STARD13: variants seen among roughly 807,000 people sequenced by gnomAD.
The protein encoded by STARD13 is stAR-related lipid transfer protein 13.
In STARD13, 62 loss-of-function variants were observed where a neutral mutation model predicts 106.4. The observed-to-expected ratio is 0.58, with a 90% CI of 0.48 to 0.72. The LOEUF is 0.72. Ranked by LOEUF, STARD13 falls within the 30% of genes least tolerant of loss-of-function variation. STARD13 has a pLI of 0.00. For missense variants in STARD13, 1,387 were observed against 1,424.0 expected, an observed-to-expected ratio of 0.97 and a Z score of 0.42; for synonymous variants, 565 against 553.0, an observed-to-expected ratio of 1.02 and a Z score of -0.31.
At chr13:33,488,447 C>A in the STARD13 span, among the ~76,000 whole-genome samples, 3 of 152,142 alleles carry the variant, frequency 2.0e-5, no homozygotes, top group South Asian at 4.1e-4. Context: ...ACAATCAAAC[C>A]CAATTACTTC....
At chr13:33,534,624 T>A in the STARD13 span, among the ~76,000 whole-genome samples, 2,319 of 152,312 alleles carry the variant, frequency 0.015, 46 homozygotes, top group African/African-American at 0.054. Flanking sequence ...TGTATTTTTT[T>A]ATATATAGAA....
At chr13:33,110,209 T>G (rs1874330556) in intron 11 of STARD13, 119 bp from the exon 12 acceptor site, 1 of 802,934 alleles carries the variant, frequency 1.2e-6, no homozygotes, top group Admixed American at 2.3e-5. Flanking sequence ...CCATCACTGA[T>G]TATGTAAATT....
Position 33,111,887 on chromosome 13 carries a change from A to G in STARD13, c.2498T>C (p.Ile833Thr), listed in dbSNP as rs1381288456. The G allele has an allele frequency of 1.2e-6, 2 of 1,608,392 alleles. No homozygotes were observed. Among genetic ancestry groups the G allele is most frequent in the Non-Finnish European group, 1.7e-6 (2 of 1,174,778 alleles). Reference sequence around the variant, plus strand: ...CTTCCCAGTGGCATATTTCTTCTGTATGACTCTGTAATTGAACGTGAGTGT... The same window carrying G: ...CTTCCCAGTGGCATATTTCTTCTGTGTGACTCTGTAATTGAACGTGAGTGT... ...LLKKESSPRV[I>T]QKKYATGKPD... Residue 833 changes from isoleucine (I) to threonine (T), a missense_variant, in exon 10 of 14, where the codon ATA becomes ACA. By Grantham distance (89) the Ile-to-Thr change is moderately conservative. Transcript: ENST00000336934.
At chr13:33,206,938 G>A (rs1310909581) in intron 1 of STARD13, among the ~76,000 whole-genome samples, 2 of 152,154 alleles carry the variant, frequency 1.3e-5, no homozygotes, top group Non-Finnish European at 2.9e-5. Context: ...CAGTGTCCTC[G>A]AACATGAAAG....
chr13:33,241,193 A>G (rs529756710), intron 1 of STARD13, among the ~76,000 whole-genome samples: 45 of 152,320 alleles, frequency 3.0e-4, no homozygotes, highest in African/African-American at 9.4e-4. Flanking sequence ...GATTTCTACA[A>G]TCTATTAAGT....
the STARD13 span, among the ~76,000 whole-genome samples, chr13:33,650,332 A>C: frequency 1.4e-5 from 2 of 147,640 alleles, no homozygotes; most frequent in Non-Finnish European, 3.0e-5. Flanking sequence ...CTGGGACTAC[A>C]GGCGCCCGCC....
chr13:33,229,866 T>C (rs1888822630), intron 1 of STARD13, among the ~76,000 whole-genome samples: 1 of 152,226 alleles, frequency 6.6e-6, no homozygotes, highest in Non-Finnish European at 1.5e-5. Flanking sequence ...CTCTCTTTGT[T>C]GTCCCCCAGG....
At chr13:33,526,426 C>T in the STARD13 span, among the ~76,000 whole-genome samples, 6 of 152,068 alleles carry the variant, frequency 3.9e-5, no homozygotes, top group African/African-American at 1.4e-4. Context: ...GCAACTGAAA[C>T]AGGGTGAACA....
chr13:33,322,216 C>G (rs1167306273), intron 1 of STARD13, among the ~76,000 whole-genome samples: 1 of 152,176 alleles, frequency 6.6e-6, no homozygotes, highest in Non-Finnish European at 1.5e-5. Context: ...AGTTATACAA[C>G]TTTTCAAATC....
the STARD13 span, among the ~76,000 whole-genome samples, chr13:33,519,260 C>CTTTCTTTCTT: frequency 6.8e-6 from 1 of 146,466 alleles, no homozygotes. Context: ...TTCTTTCTTT[C>CTTTCTTTCTT]TTTCTTTCTT....
At chr13:33,360,318 C>T in the STARD13 span, among the ~76,000 whole-genome samples, 28 of 152,136 alleles carry the variant, frequency 1.8e-4, no homozygotes, top group East Asian at 3.3e-3. Context: ...TATTCTCCTG[C>T]CTCAGCCTCC....
At chr13:33,186,086 A>G (rs889428664) in intron 1 of STARD13, 15 of 1,590,272 alleles carry the variant, frequency 9.4e-6, no homozygotes, top group Non-Finnish European at 1.2e-5. Flanking sequence ...TCCGGTTGCT[A>G]ACAGTGGAGA....
At chr13:33,451,780 TA>T in the STARD13 span, among the ~76,000 whole-genome samples, 1 of 151,638 alleles carries the variant, frequency 6.6e-6, no homozygotes, top group Non-Finnish European at 1.5e-5. Context: ...GAAGTTGAAG[TA>T]AGATTGAAGA....
At chr13:33,455,706 G>A in the STARD13 span, among the ~76,000 whole-genome samples, 1 of 152,092 alleles carries the variant, frequency 6.6e-6, no homozygotes. Context: ...GGCTGAGGTG[G>A]GTGGATCACA....
chr13:33,291,708 C>T (rs371989158), intron 1 of STARD13, among the ~76,000 whole-genome samples: 7 of 152,280 alleles, frequency 4.6e-5, no homozygotes, highest in African/African-American at 1.7e-4. Flanking sequence ...TACCACTATA[C>T]CCCACGTTAA....
At chr13:33,350,157 C>T in intron 1 of STARD13, 1 of 1,244,646 alleles carries the variant, frequency 8.0e-7, no homozygotes, top group Non-Finnish European at 1.0e-6. Context: ...TGCCCGCAGC[C>T]CGCTCGCCCC....
the STARD13 span, among the ~76,000 whole-genome samples, chr13:33,556,451 T>C: frequency 1.3e-5 from 2 of 152,030 alleles, no homozygotes; most frequent in East Asian, 3.9e-4. Flanking sequence ...GCTAATTCTT[T>C]TTTATTTTTT....
intron 1 of STARD13, among the ~76,000 whole-genome samples, chr13:33,213,654 A>G (rs1364845801): frequency 2.0e-5 from 3 of 152,180 alleles, no homozygotes; most frequent in African/African-American, 4.8e-5. Flanking sequence ...GGGCAAGCCA[A>G]TTTCATGCAT....
intron 1 of STARD13, among the ~76,000 whole-genome samples, chr13:33,349,795 G>C (rs575435585): frequency 5.9e-4 from 90 of 152,280 alleles, no homozygotes; most frequent in African/African-American, 2.1e-3. Flanking sequence ...CTCTACCCCC[G>C]AGTGGCTGGT....
Sources: gnomAD v4.1 joint callset for allele counts (sites outside exome capture counted in the v4.1 genomes callset) on GRCh38, gnomAD v4.1.1 for gene constraint, MANE v1.5 for transcripts, NCBI Gene and HGNC (gene_info 2026-07-23, HGNC 2026-07-21) for gene names.